Variants in SEMA5A observed in about 807,000 individuals in gnomAD.
SEMA5A encodes the protein semaphorin-5A.
Under a neutral mutation model 135.5 loss-of-function variants are expected in SEMA5A, and 55 were observed. The observed-to-expected ratio is 0.41, with a 90% CI of 0.33 to 0.51. The LOEUF is 0.51. Ranked by LOEUF, SEMA5A falls within the 20% of genes least tolerant of loss-of-function variation. The pLI is 0.37. For missense variants in SEMA5A, 1,290 were observed against 1,419.9 expected, an observed-to-expected ratio of 0.91 and a Z score of 1.47; for synonymous variants, 580 against 546.5, an observed-to-expected ratio of 1.06 and a Z score of -0.85.
chr5:9,213,582 C>T (rs2387815), intron 8 of SEMA5A, among the ~76,000 whole-genome samples: 3 of 152,104 alleles, frequency 2.0e-5, no homozygotes, highest in Middle Eastern at 3.2e-3. Flanking sequence ...GGCAGAACAG[C>T]GCCCAGCAAA....
intron 2 of SEMA5A, among the ~76,000 whole-genome samples, chr5:9,392,900 G>A (rs891496482): frequency 5.9e-5 from 9 of 152,152 alleles, no homozygotes; most frequent in East Asian, 1.9e-4. Context: ...CAGTGCTTAC[G>A]GCAAGTTTCA....
At chr5:9,488,327 C>G (rs1027117128) in intron 1 of SEMA5A, among the ~76,000 whole-genome samples, 7 of 152,188 alleles carry the variant, frequency 4.6e-5, no homozygotes, top group Non-Finnish European at 7.3e-5. Context: ...AGAGGAACCA[C>G]ACTCCTAGAT....
At chr5:9,352,031 T>A (rs889037190) in intron 3 of SEMA5A, among the ~76,000 whole-genome samples, 3 of 148,884 alleles carry the variant, frequency 2.0e-5, no homozygotes, top group African/African-American at 7.3e-5. Flanking sequence ...CAGGATTCCA[T>A]CCTGTCTGAA....
At chr5:9,251,136 C>G (rs1748752078) in intron 5 of SEMA5A, among the ~76,000 whole-genome samples, 1 of 152,098 alleles carries the variant, frequency 6.6e-6, no homozygotes, top group African/African-American at 2.4e-5. Flanking sequence ...CTAGTGTTCT[C>G]CCTCTGTCTC....
intron 1 of SEMA5A, among the ~76,000 whole-genome samples, chr5:9,451,644 A>T (rs1758648749): frequency 6.6e-6 from 1 of 152,176 alleles, no homozygotes; most frequent in Non-Finnish European, 1.5e-5. Context: ...ACTACTCCCA[A>T]TCCCTTCAGG....
chr5:9,293,953 A>G, intron 5 of SEMA5A, among the ~76,000 whole-genome samples: 1 of 152,236 alleles, frequency 6.6e-6, no homozygotes, highest in East Asian at 1.9e-4. Context: ...TAAGATCCCA[A>G]TTGCAGTCCA....
chr5:9,061,519 C>T (rs377540602), intron 18 of SEMA5A, among the ~76,000 whole-genome samples: 9 of 152,200 alleles, frequency 5.9e-5, no homozygotes, highest in African/African-American at 1.9e-4. Context: ...GGGCTGAAGA[C>T]TTTCCGTGGG....
At chr5:9,442,394 G>C (rs1170368676) in intron 1 of SEMA5A, among the ~76,000 whole-genome samples, 1 of 152,150 alleles carries the variant, frequency 6.6e-6, no homozygotes, top group Non-Finnish European at 1.5e-5. Context: ...GTCTCCACTG[G>C]AAAGAGACCA....
intron 16 of SEMA5A, among the ~76,000 whole-genome samples, chr5:9,099,028 C>A (rs936978616): frequency 6.6e-6 from 1 of 152,096 alleles, no homozygotes; most frequent in Non-Finnish European, 1.5e-5. Context: ...ATAAATAAAA[C>A]ATTTTTGTGA....
chr5:9,204,663 T>C lies in SEMA5A; in HGVS notation c.647-2423A>G, dbSNP rs1209546788. Among the ~76,000 whole-genome samples, 1 of 152,078 alleles carries C rather than the reference T, an allele frequency of 6.6e-6. No homozygotes were observed. Among genetic ancestry groups the C allele is most frequent in the Non-Finnish European group, 1.5e-5 (1 of 68,010 alleles). On this transcript the variant is annotated intron_variant, in intron 8 of 22. Coordinates refer to ENST00000382496, the MANE Select transcript of SEMA5A (RefSeq NM_003966.3). This position sits in a 1 kb window ranked among gnomAD's most constrained non-coding sequence, Gnocchi z 6.4. ...CCAGAGATTTAATAACTTGTCCAAATTCACATAACTAGCAGTGGGGGATGG... is the reference window on the plus strand; with the variant it reads ...CCAGAGATTTAATAACTTGTCCAAACTCACATAACTAGCAGTGGGGGATGG...
intron 9 of SEMA5A, among the ~76,000 whole-genome samples, chr5:9,197,728 T>TTGTGTGTGTGTGTGTGTGTGTGTGTGTG (rs70943946): frequency 5.1e-5 from 3 of 59,288 alleles, no homozygotes; most frequent in Non-Finnish European, 9.7e-5. Context: ...GGAAAGCTGT[T>TTGTGTGTGTGTGTGTGTGTGTGTGTGTG]TGTGTGTGTG....
At chr5:9,284,132 G>GAGAT (rs1554014666) in intron 5 of SEMA5A, among the ~76,000 whole-genome samples, 1 of 150,420 alleles carries the variant, frequency 6.6e-6, no homozygotes, top group Non-Finnish European at 1.5e-5. Context: ...GAGAGAGAGA[G>GAGAT]ATAAGAGATA....
intron 5 of SEMA5A, among the ~76,000 whole-genome samples, chr5:9,312,430 T>G (rs60358440): frequency 1.3e-3 from 200 of 152,114 alleles, no homozygotes; most frequent in African/African-American, 4.6e-3. Flanking sequence ...GATTCTCTAG[T>G]CATTGATGAT....
chr5:9,078,699 C>G (rs1301647512), intron 16 of SEMA5A, among the ~76,000 whole-genome samples: 2 of 151,882 alleles, frequency 1.3e-5, no homozygotes, highest in Non-Finnish European at 2.9e-5. Flanking sequence ...TGGTTACAGA[C>G]ACATAAACAT....
chr5:9,271,459 T>C, intron 5 of SEMA5A, among the ~76,000 whole-genome samples: 1 of 152,146 alleles, frequency 6.6e-6, no homozygotes, highest in African/African-American at 2.4e-5. Context: ...TGAGTAACAG[T>C]TAGGGGCTAG....
At chr5:9,256,808 T>C (rs2150503067) in intron 5 of SEMA5A, among the ~76,000 whole-genome samples, 1 of 152,310 alleles carries the variant, frequency 6.6e-6, no homozygotes, top group Non-Finnish European at 1.5e-5. Flanking sequence ...TGTCTGAAGG[T>C]AGGAATTTCA....
At chr5:9,226,276 AAG>A (rs1160506608) in intron 7 of SEMA5A, among the ~76,000 whole-genome samples, 1 of 152,218 alleles carries the variant, frequency 6.6e-6, no homozygotes, top group Non-Finnish European at 1.5e-5. Context: ...CTGAATTAGG[AAG>A]ATTCCACGTG....
At chr5:9,269,756 T>C (rs900555198) in intron 5 of SEMA5A, among the ~76,000 whole-genome samples, 1 of 152,176 alleles carries the variant, frequency 6.6e-6, no homozygotes, top group African/African-American at 2.4e-5. Context: ...TCTATGTCTA[T>C]ATACATAGTA....
chr5:9,380,500 T>C (rs1392792517), intron 2 of SEMA5A, among the ~76,000 whole-genome samples: 4 of 152,218 alleles, frequency 2.6e-5, no homozygotes, highest in Admixed American at 1.3e-4. Flanking sequence ...TACTAATAAA[T>C]TGATGAATAT....
Sources: allele counts gnomAD v4.1 joint callset (sites outside exome capture counted in the v4.1 genomes callset), GRCh38; gene constraint gnomAD v4.1.1; non-coding constraint Gnocchi (gnomAD v3.1); transcripts MANE v1.5; gene names NCBI Gene and HGNC (gene_info 2026-07-23, HGNC 2026-07-21).